Variants in PPARGC1A observed in about 807,000 individuals in gnomAD.
PPARGC1A encodes peroxisome proliferator-activated receptor gamma coactivator 1-alpha.
PPARGC1A carries 25 observed loss-of-function variants against 88.7 expected under a neutral mutation model. The ratio of observed to expected loss-of-function variants is 0.28; its 90% CI spans 0.21 to 0.39. The LOEUF (loss-of-function observed/expected upper bound fraction) is 0.39, where lower values mean the gene tolerates loss of function less well. PPARGC1A is among the 10% of genes least tolerant of loss of function. PPARGC1A has a pLI of 1.00. For synonymous variants in PPARGC1A, 363 were observed against 355.6 expected, an observed-to-expected ratio of 1.02 and a Z score of -0.24; for missense variants, 880 against 968.7, an observed-to-expected ratio of 0.91 and a Z score of 1.22.
chr4:24,123,536 C>T, the PPARGC1A span, among the ~76,000 whole-genome samples: 1 of 152,056 alleles, frequency 6.6e-6, no homozygotes, highest in African/African-American at 2.4e-5. Flanking sequence ...TCAAGAGTTG[C>T]ATATTCCACT....
intron 2 of PPARGC1A, among the ~76,000 whole-genome samples, chr4:23,857,927 A>T (rs1730504713): frequency 6.6e-6 from 1 of 151,482 alleles, no homozygotes; most frequent in African/African-American, 2.4e-5. Context: ...CTGCTTGAGG[A>T]AGCTAGAGTT....
the PPARGC1A span, among the ~76,000 whole-genome samples, chr4:24,104,356 G>A: frequency 6.6e-6 from 1 of 152,154 alleles, no homozygotes; most frequent in Admixed American, 6.5e-5. Flanking sequence ...GTGTGAAATA[G>A]GCTGTGTGGA....
At chr4:24,433,804 G>A in the PPARGC1A span, among the ~76,000 whole-genome samples, 2 of 152,172 alleles carry the variant, frequency 1.3e-5, no homozygotes, top group South Asian at 2.1e-4. Context: ...TCTGTTCCCT[G>A]GACAGCCCGA....
chr4:24,421,247 T>C, the PPARGC1A span, among the ~76,000 whole-genome samples: 2 of 152,126 alleles, frequency 1.3e-5, no homozygotes, highest in Admixed American at 6.5e-5. Context: ...AAATATTGTA[T>C]GGGATATACT....
the PPARGC1A span, among the ~76,000 whole-genome samples, chr4:23,948,906 G>A: frequency 6.6e-6 from 1 of 151,988 alleles, no homozygotes; most frequent in Admixed American, 6.5e-5. Context: ...AACTGAATGG[G>A]CTTCTTCCTC....
chr4:24,102,432 T>G, the PPARGC1A span, among the ~76,000 whole-genome samples: 1 of 152,224 alleles, frequency 6.6e-6, no homozygotes, highest in African/African-American at 2.4e-5. Context: ...GTCACTGATT[T>G]GTATGAACAG....
chr4:24,024,593 G>T, the PPARGC1A span, among the ~76,000 whole-genome samples: 5 of 152,152 alleles, frequency 3.3e-5, no homozygotes, highest in South Asian at 2.1e-4. Flanking sequence ...CAGCAATTTA[G>T]ATCCACATCA....
At chr4:24,242,096 G>C in the PPARGC1A span, among the ~76,000 whole-genome samples, 36 of 152,166 alleles carry the variant, frequency 2.4e-4, no homozygotes, top group Non-Finnish European at 4.4e-4. Context: ...CCTGATGAGA[G>C]ATCTCTTTAC....
the PPARGC1A span, among the ~76,000 whole-genome samples, chr4:24,274,932 T>G: frequency 1.3e-5 from 2 of 152,146 alleles, no homozygotes; most frequent in Admixed American, 6.5e-5. Context: ...TAGAGTATCT[T>G]CCTCCATGTG....
At chr4:23,959,813 G>T in the PPARGC1A span, among the ~76,000 whole-genome samples, 1 of 152,082 alleles carries the variant, frequency 6.6e-6, no homozygotes, top group African/African-American at 2.4e-5. Flanking sequence ...GGTAATGGTG[G>T]CAGAAGATTT....
the PPARGC1A span, among the ~76,000 whole-genome samples, chr4:24,048,592 GACAGGA>G: frequency 6.6e-6 from 1 of 152,144 alleles, no homozygotes; most frequent in Non-Finnish European, 1.5e-5. Flanking sequence ...TCAGGCTTCA[GACAGGA>G]TTCAAGCCAG....
chr4:24,352,535 T>A, the PPARGC1A span, among the ~76,000 whole-genome samples: 2 of 152,214 alleles, frequency 1.3e-5, no homozygotes, highest in Non-Finnish European at 2.9e-5. Flanking sequence ...GGGGTCCAAC[T>A]GGCCACGGGG....
chr4:24,280,718 G>T, the PPARGC1A span, among the ~76,000 whole-genome samples: 2 of 152,140 alleles, frequency 1.3e-5, no homozygotes, highest in Non-Finnish European at 2.9e-5. Flanking sequence ...AATCTCCAAT[G>T]GTGCAATGAA....
the PPARGC1A span, among the ~76,000 whole-genome samples, chr4:24,219,674 C>T: frequency 6.6e-6 from 1 of 152,216 alleles, no homozygotes; most frequent in African/African-American, 2.4e-5. Context: ...AACATGGACG[C>T]TTCTGGTACT....
the PPARGC1A span, among the ~76,000 whole-genome samples, chr4:23,947,325 ATATAAT>A: frequency 6.2e-5 from 9 of 145,162 alleles, no homozygotes; most frequent in African/African-American, 2.3e-4. Context: ...TGTAAGGCAG[ATATAAT>A]TATAATCATT....
the PPARGC1A span, among the ~76,000 whole-genome samples, chr4:24,132,983 T>C: frequency 6.6e-6 from 1 of 152,238 alleles, no homozygotes; most frequent in Non-Finnish European, 1.5e-5. Flanking sequence ...ATCAGTCATC[T>C]CTGAAGACTG....
chr4:24,152,334 C>A, the PPARGC1A span, among the ~76,000 whole-genome samples: 9 of 152,174 alleles, frequency 5.9e-5, no homozygotes, highest in Admixed American at 5.2e-4. Context: ...TCTATTCATG[C>A]AAACATTTAT....
chr4:23,828,297 G>A (rs1724353532), intron 5 of PPARGC1A, 103 bp downstream of exon 5: 24 of 1,210,442 alleles, frequency 2.0e-5, no homozygotes, highest in East Asian at 4.7e-5. Context: ...ACAGAGTGAC[G>A]CTGATGGGAC....
At chr4:24,180,456 G>C in the PPARGC1A span, among the ~76,000 whole-genome samples, 3 of 152,226 alleles carry the variant, frequency 2.0e-5, no homozygotes, top group Middle Eastern at 3.4e-3. Flanking sequence ...GCTACGCTCT[G>C]GGAACCATTG....
Sources: allele counts gnomAD v4.1 joint callset (sites outside exome capture counted in the v4.1 genomes callset), GRCh38; gene constraint gnomAD v4.1.1; transcripts MANE v1.5; gene names NCBI Gene and HGNC (gene_info 2026-07-23, HGNC 2026-07-21).